The following MCPH1 variants were observed in gnomAD, a reference collection of about 807,000 sequenced individuals.
MCPH1 encodes the protein microcephalin 1.
In MCPH1, 104 loss-of-function variants were observed where a neutral mutation model predicts 84.5. The observed-to-expected ratio is 1.23, with a 90% CI of 1.05 to 1.45. The LOEUF is 1.45. Ranked by LOEUF, MCPH1 falls within the 40% of genes most tolerant of loss-of-function variation. The pLI is 0.00. For missense variants in MCPH1, 1,498 were observed against 1,005.7 expected, an observed-to-expected ratio of 1.49 and a Z score of -6.62; for synonymous variants, 514 against 366.8, an observed-to-expected ratio of 1.40 and a Z score of -4.58.
rs28436694 is a variant in MCPH1 at position 6,626,292 on chromosome 8, C to G, written c.2452+4601C>G. The G allele has an allele frequency of 1.6e-3, 1,563 of 985,312 alleles. 19 individuals carry two copies. In the African/African-American group the frequency reaches 0.025, roughly 16 times the overall value. The allele number at this position is 985,312 out of a possible 1,614,324, so 61.0% of individuals were successfully genotyped here. A position where few individuals can be genotyped will look rare whatever the true frequency, so the allele number is the denominator to read the frequency against. On this transcript the variant is annotated intron_variant, in intron 13 of 13. Transcript: ENST00000344683. Reference sequence around the variant, plus strand: ...AAGCCACGCCTCACTCACTTGCTCCCTGGAGAATTTCATCTGCGCCGCGTT... The same window carrying G: ...AAGCCACGCCTCACTCACTTGCTCCGTGGAGAATTTCATCTGCGCCGCGTT...
intron 12 of MCPH1, among the ~76,000 whole-genome samples, chr8:6,612,436 C>A (rs1830365957): frequency 6.6e-6 from 1 of 152,206 alleles, no homozygotes; most frequent in African/African-American, 2.4e-5. Flanking sequence ...GTGCTGCTGC[C>A]TGTCTTTTGA....
At chr8:6,471,783 C>T (rs2442493) in intron 9 of MCPH1, among the ~76,000 whole-genome samples, 120,290 of 152,116 alleles carry the variant, frequency 0.79, 48,224 homozygotes, top group Admixed American at 0.85. Flanking sequence ...AAGTACCCAG[C>T]ATAGTTCTTC....
At chr8:6,408,126 GCAACTAAT>G (rs550951418) in intron 1 of MCPH1, among the ~76,000 whole-genome samples, 334 of 152,334 alleles carry the variant, frequency 2.2e-3, no homozygotes, top group Non-Finnish European at 2.0e-3. Flanking sequence ...TTTGGGGAAA[GCAACTAAT>G]TTTACAAATG....
At chr8:6,625,874 G>T in intron 13 of MCPH1, 1 of 985,398 alleles carries the variant, frequency 1.0e-6, no homozygotes, top group Non-Finnish European at 1.2e-6. Context: ...TAAACTCACA[G>T]GGGGTGGAGA....
At chr8:6,586,101 C>T (rs560913786) in intron 12 of MCPH1, among the ~76,000 whole-genome samples, 1 of 152,286 alleles carries the variant, frequency 6.6e-6, no homozygotes, top group South Asian at 2.1e-4. Flanking sequence ...GCTAGGACTG[C>T]AAGCATGTGC....
chr8:6,556,071 G>A (rs576260385), intron 12 of MCPH1, among the ~76,000 whole-genome samples: 2 of 152,234 alleles, frequency 1.3e-5, no homozygotes, highest in East Asian at 1.9e-4. Flanking sequence ...TCTCAAGATC[G>A]ATGTCCCAGT....
Position 6,645,709 on chromosome 8 carries a change from CAG to C in MCPH1, c.*2662_*2663del, listed in dbSNP as rs1003476710. ...TCCTAAAGATTATATACAAACCTAA[CAG>C]AATTGTATTTATATATACTGTCAAT... On this transcript the variant is annotated 3_prime_UTR_variant, in exon 14 of 14. Coordinates refer to ENST00000344683, the MANE Select transcript of MCPH1 (RefSeq NM_024596.5). The C allele has an allele frequency of 1.4e-5, 2 of 146,002 alleles. No individual in the cohort carries two copies. The highest frequency in any genetic ancestry group is 5.1e-5 in the African/African-American group (2 of 39,176). The allele number at this position is 146,002 out of a possible 1,614,324, so 9.0% of individuals were successfully genotyped here.
intron 13 of MCPH1, among the ~76,000 whole-genome samples, chr8:6,633,080 G>A (rs983317416): frequency 6.6e-6 from 1 of 151,588 alleles, no homozygotes; most frequent in Non-Finnish European, 1.5e-5. Context: ...AACTATGGAG[G>A]TTATCTATAA....
intron 12 of MCPH1, among the ~76,000 whole-genome samples, chr8:6,511,233 A>G (rs1007462434): frequency 1.3e-5 from 2 of 151,736 alleles, no homozygotes; most frequent in Non-Finnish European, 2.9e-5. Context: ...TTTCTTTAAA[A>G]TTTGGTTATT....
At position 6,647,964 on chromosome 8, in the gene MCPH1, G is replaced by C. The variant is rs1431309345; in HGVS notation, c.*4915G>C. ...GAGAGAGAACGAGAGCTACATGGCA[G>C]CCCCAGGGCAATAGCTCTCAGATCT... is the stretch of plus-strand genomic sequence containing the variant. On this transcript the variant is annotated 3_prime_UTR_variant, in exon 14 of 14. Coordinates refer to ENST00000344683, the MANE Select transcript of MCPH1 (RefSeq NM_024596.5). The C allele has an allele frequency of 6.6e-6, 1 of 152,146 alleles. No individual in the cohort carries two copies. Among genetic ancestry groups the C allele is most frequent in the African/African-American group, 2.4e-5 (1 of 41,422 alleles). 9.4% of individuals were successfully genotyped at this position (152,146 alleles called of 1,614,324 possible).
chr8:6,548,518 G>T (rs1422524964), intron 12 of MCPH1, among the ~76,000 whole-genome samples: 1 of 152,192 alleles, frequency 6.6e-6, no homozygotes, highest in South Asian at 2.1e-4. Context: ...TTGCATTTCA[G>T]TGGTCCCAGC....
chr8:6,606,396 G>A (rs1349906803), intron 12 of MCPH1, among the ~76,000 whole-genome samples: 1 of 152,134 alleles, frequency 6.6e-6, no homozygotes, highest in Non-Finnish European at 1.5e-5. Flanking sequence ...TATACATCTT[G>A]AACCAAACCA....
intron 12 of MCPH1, among the ~76,000 whole-genome samples, chr8:6,610,815 C>G (rs1389132640): frequency 6.6e-6 from 1 of 151,770 alleles, no homozygotes; most frequent in African/African-American, 2.4e-5. Flanking sequence ...AAACTAAGAA[C>G]ATAAGACGCT....
intron 13 of MCPH1, among the ~76,000 whole-genome samples, chr8:6,639,798 G>C (rs936542415): frequency 6.6e-6 from 1 of 152,074 alleles, no homozygotes; most frequent in Non-Finnish European, 1.5e-5. Flanking sequence ...ATGCCTAGAA[G>C]ATCCTTCCAG....
At chr8:6,608,473 A>C (rs1829972944) in intron 12 of MCPH1, among the ~76,000 whole-genome samples, 1 of 152,174 alleles carries the variant, frequency 6.6e-6, no homozygotes, top group South Asian at 2.1e-4. Flanking sequence ...GCTTGTTAGA[A>C]CAGGGACTCA....
intron 13 of MCPH1, among the ~76,000 whole-genome samples, chr8:6,623,878 A>C (rs1831771107): frequency 1.3e-5 from 2 of 152,166 alleles, no homozygotes; most frequent in Admixed American, 6.5e-5. Context: ...GCAGAACAGA[A>C]CTGGGCCTGA....
At chr8:6,435,317 A>ATGCCAC (rs1802488675) in intron 4 of MCPH1, among the ~76,000 whole-genome samples, 1 of 152,198 alleles carries the variant, frequency 6.6e-6, no homozygotes, top group Admixed American at 6.5e-5. Flanking sequence ...GTCCAAGATC[A>ATGCCAC]TGCCACTTGT....
chr8:6,536,433 G>T lies in MCPH1; in HGVS notation c.2214+36504G>T, dbSNP rs545716600. ...AGCCAAAGTGATATATCTCAAAATT[G>T]GCTTGAGTATGCCTTCCAATTCCAG... On this transcript the variant is annotated intron_variant, in intron 12 of 13. Transcript: ENST00000344683. Among the ~76,000 whole-genome samples, 3 of 152,144 alleles carry T rather than the reference G, an allele frequency of 2.0e-5. No homozygotes were observed. In the South Asian group the frequency reaches 6.2e-4, roughly 32 times the overall value.
intron 12 of MCPH1, chr8:6,527,792 T>G (rs1818624257): frequency 2.1e-6 from 2 of 968,390 alleles, no homozygotes; most frequent in Non-Finnish European, 3.0e-6. Flanking sequence ...CATTATTTAT[T>G]AACCCAAGTA....
Sources: allele counts gnomAD v4.1 joint callset (sites outside exome capture counted in the v4.1 genomes callset), GRCh38; gene constraint gnomAD v4.1.1; transcripts MANE v1.5; gene names NCBI Gene and HGNC (gene_info 2026-07-23, HGNC 2026-07-21).